Variants in TBC1D31 observed in about 807,000 individuals in gnomAD.
TBC1D31 encodes TBC1 domain family member 31, also known as WD repeat domain 67.
Under a neutral mutation model 132.9 loss-of-function variants are expected in TBC1D31, and 99 were observed. The observed-to-expected ratio is 0.74, with a 90% CI of 0.63 to 0.88. The LOEUF (loss-of-function observed/expected upper bound fraction) is 0.88. Among genes scored for constraint, TBC1D31 ranks in the 40% least tolerant of loss-of-function variants. TBC1D31 has a pLI of 0.00. For missense variants in TBC1D31, 1,134 were observed against 1,256.6 expected (o/e 0.90, Z 1.48); for synonymous variants, 385 against 419.4 (o/e 0.92, Z 1.00).
intron 1 of TBC1D31, 23 bp from the exon 2 acceptor site, chr8:123,077,088 G>A (rs1332258246): frequency 2.6e-6 from 4 of 1,563,758 alleles, no homozygotes; most frequent in South Asian, 2.4e-5. Flanking sequence ...TAGATTCAAT[G>A]TTTGGGTTTT....
intron 4 of TBC1D31, among the ~76,000 whole-genome samples, chr8:123,089,687 G>A (rs891739596): frequency 5.9e-5 from 9 of 152,206 alleles, no homozygotes; most frequent in South Asian, 4.1e-4. Context: ...CAGCCTGGGC[G>A]ACAGAGTGAG....
chr8:123,105,358 T>A lies in TBC1D31; in HGVS notation c.1103T>A (p.Met368Lys), dbSNP rs200917678. 4.5e-5 allele frequency: 72 copies of A among 1,611,048 alleles called. No individual in the cohort carries two copies. The highest frequency in any genetic ancestry group is 1.5e-4 in the Admixed American group (9 of 59,746). ...KNKLSSSDLK[M>K]KVTSGRVQQP... ...AAACTGAGTTCCAGTGATCTTAAGA[T>A]GAAAGTAACATCAGGGAGAGTACAG... The change falls in exon 8 of 22, where the codon ATG (methionine) becomes AAG (lysine). Residue 368 changes from methionine to lysine, a missense_variant. Transcript: ENST00000287380.
intron 8 of TBC1D31, among the ~76,000 whole-genome samples, chr8:123,105,775 C>A (rs1817867659): frequency 6.6e-6 from 1 of 152,164 alleles, no homozygotes; most frequent in South Asian, 2.1e-4. Flanking sequence ...GATTTGAAAA[C>A]TTTTTAATGA....
At chr8:123,115,121 A>G (rs187662279) in intron 10 of TBC1D31, among the ~76,000 whole-genome samples, 39 of 152,228 alleles carry the variant, frequency 2.6e-4, no homozygotes, top group Admixed American at 6.5e-4. Flanking sequence ...ACTAGGTCAA[A>G]TCATTCATTT....
intron 5 of TBC1D31, 76 bp downstream of exon 5, chr8:123,093,818 T>G: frequency 9.4e-7 from 1 of 1,059,126 alleles, no homozygotes; most frequent in Non-Finnish European, 1.3e-6. Flanking sequence ...TTTCATTTAG[T>G]TTTTATTCAG....
chr8:123,128,336 A>G lies in TBC1D31; in HGVS notation c.1940A>G (p.Tyr647Cys), dbSNP rs755707730. 6 of 1,613,664 alleles carry G rather than the reference A, an allele frequency of 3.7e-6. No homozygotes were observed. The highest frequency in any genetic ancestry group is 5.1e-6 in the Non-Finnish European group (6 of 1,179,672). The stretch of plus-strand genomic sequence containing the variant: ...ATAAATGTTGTGATTAGACAAGTTT[A>G]TCATCTCATGGAGACCACGCCTACT... ...LDINVVIRQV[Y>C]HLMETTPTDI... Residue 647 changes from tyrosine to cysteine, a missense_variant, in exon 14 of 22, where the codon TAT becomes TGT. Physicochemically the swap from Tyr to Cys is radical, Grantham distance 194. Coordinates refer to ENST00000287380, the MANE Select transcript of TBC1D31 (RefSeq NM_145647.4).
intron 1 of TBC1D31, chr8:123,073,407 T>A: frequency 2.2e-6 from 1 of 456,212 alleles, no homozygotes; most frequent in South Asian, 1.5e-5. Context: ...ACACTTCCGG[T>A]TCTCTGGAGT....
Position 123,129,150 on chromosome 8 carries a change from T to A in TBC1D31, c.2202T>A (p.Arg734=). Residue 734 remains arginine, a synonymous_variant, in exon 15 of 22, where the codon CGT becomes CGA. Transcript: ENST00000287380. ...EAWYQKQELL[R]KAEETRREML... is the part of the protein sequence containing the mutation. ...GGTACCAGAAACAGGAGCTGCTTCGTAAAGCTGAAGAAACAAGAAGAGAAA... is the reference window on the plus strand; with the variant it reads ...GGTACCAGAAACAGGAGCTGCTTCGAAAAGCTGAAGAAACAAGAAGAGAAA... The A allele has an allele frequency of 6.2e-7, 1 of 1,608,164 alleles. No individual in the cohort carries two copies. Among genetic ancestry groups the A allele is most frequent in the Middle Eastern group, 1.7e-4 (1 of 6,028 alleles).
At chr8:123,145,002 C>A in intron 20 of TBC1D31, 147 bp downstream of exon 20, 2 of 678,700 alleles carry the variant, frequency 2.9e-6, no homozygotes, top group Non-Finnish European at 4.6e-6. Context: ...TGGCTCAGTG[C>A]AGCCTCGACC....
chr8:123,105,437 C>A lies in TBC1D31; in HGVS notation c.1182C>A (p.Asp394Glu), dbSNP rs775283522. 23 of 1,609,770 alleles carry A rather than the reference C, an allele frequency of 1.4e-5. No individual in the cohort carries two copies. In the East Asian group the frequency reaches 5.2e-4, roughly 36 times the overall value. The change falls in exon 8 of 22, where the codon GAC becomes GAA. Residue 394 changes from aspartate (D) to glutamate (E), a missense_variant. Coordinates refer to ENST00000287380, the MANE Select transcript of TBC1D31 (RefSeq NM_145647.4). ...SKMQTRILKQ[D>E]LTGDFESKKN... ...TGCAAACTAGAATATTAAAACAAGA[C>A]CTGACTGGTGATTTTGAAAGTAAAA...
chr8:123,094,341 C>CAT (rs1159727935), intron 5 of TBC1D31, among the ~76,000 whole-genome samples: 1 of 151,918 alleles, frequency 6.6e-6, no homozygotes, highest in Non-Finnish European at 1.5e-5. Context: ...GGATTACAGG[C>CAT]ATGAGCCACC....
At position 123,072,764 on chromosome 8, in the gene TBC1D31, T is replaced by G. The variant is rs369354600; in HGVS notation, c.-6T>G. 94 of 1,559,834 alleles carry G rather than the reference T, an allele frequency of 6.0e-5. No homozygotes were observed. Among genetic ancestry groups the G allele is most frequent in the Non-Finnish European group, 7.5e-5 (86 of 1,152,268 alleles). On this transcript the variant is annotated 5_prime_UTR_variant, in exon 1 of 22. Coordinates refer to ENST00000287380, the MANE Select transcript of TBC1D31 (RefSeq NM_145647.4). ...GGGCCGCCGGCGGTCGTGGGCAAGCTTCGCCATGCAGAGCACTGACCTAGG... is the reference window on the plus strand; with the variant it reads ...GGGCCGCCGGCGGTCGTGGGCAAGCGTCGCCATGCAGAGCACTGACCTAGG...
chr8:123,107,677 C>T (rs993158911), intron 8 of TBC1D31, among the ~76,000 whole-genome samples: 1 of 152,152 alleles, frequency 6.6e-6, no homozygotes. Flanking sequence ...AAGTAAAAGC[C>T]TCATCATGTC....
chr8:123,121,225 T>C (rs1819451834), intron 11 of TBC1D31, among the ~76,000 whole-genome samples: 1 of 152,192 alleles, frequency 6.6e-6, no homozygotes, highest in Non-Finnish European at 1.5e-5. Context: ...CCCAAAGTGC[T>C]GGGATTACAG....
intron 10 of TBC1D31, among the ~76,000 whole-genome samples, chr8:123,119,826 C>T (rs1396885823): frequency 6.6e-6 from 1 of 152,062 alleles, no homozygotes; most frequent in Non-Finnish European, 1.5e-5. Context: ...TCCAAGATAC[C>T]ATTAATTGAA....
At chr8:123,164,705 G>A in the TBC1D31 span, among the ~76,000 whole-genome samples, 1 of 140,358 alleles carries the variant, frequency 7.1e-6, no homozygotes, top group Non-Finnish European at 1.5e-5. Flanking sequence ...CTGGGCAACA[G>A]AGCGAGACTC....
chr8:123,112,428 A>G (rs1818536773), intron 10 of TBC1D31, among the ~76,000 whole-genome samples: 1 of 152,120 alleles, frequency 6.6e-6, no homozygotes, highest in Non-Finnish European at 1.5e-5. Flanking sequence ...CTTTTAGCAA[A>G]TATCTTATTT....
At chr8:123,073,280 A>G (rs970807594) in intron 1 of TBC1D31, 2 of 460,748 alleles carry the variant, frequency 4.3e-6, no homozygotes, top group Non-Finnish European at 8.7e-6. Context: ...GCTGCAGTTT[A>G]TCCATCCTTA....
At chr8:123,141,249 CTG>C (rs1193768132) in intron 18 of TBC1D31, among the ~76,000 whole-genome samples, 1 of 152,184 alleles carries the variant, frequency 6.6e-6, no homozygotes. Context: ...TACTGTCCTT[CTG>C]TGTTCTGCCT....
Sources: gnomAD v4.1 joint callset for allele counts (sites outside exome capture counted in the v4.1 genomes callset) on GRCh38, gnomAD v4.1.1 for gene constraint, MANE v1.5 for transcripts, NCBI Gene and HGNC (gene_info 2026-07-23, HGNC 2026-07-21) for gene names.